LRP1B: variants seen among roughly 807,000 people sequenced by gnomAD.
The protein encoded by LRP1B is LDL receptor related protein 1B, also known as low-density lipoprotein receptor-related protein 1B.
LRP1B carries 217 observed loss-of-function variants against 556.6 expected under a neutral mutation model. That is an observed-to-expected ratio of 0.39 (90% CI 0.35 to 0.44). LRP1B has a LOEUF of 0.44. LRP1B is among the 20% of genes least tolerant of loss of function. The pLI is 1.00. For missense variants in LRP1B, 5,053 were observed against 5,620.8 expected, an observed-to-expected ratio of 0.90 and a Z score of 3.23; for synonymous variants, 2,047 against 1,865.8, an observed-to-expected ratio of 1.10 and a Z score of -2.50.
At chr2:141,036,566 C>T (rs76740289) in intron 11 of LRP1B, among the ~76,000 whole-genome samples, 18,690 of 152,038 alleles carry the variant, frequency 0.12, 1,312 homozygotes, top group East Asian at 0.22. Context: ...GCAGGGAACC[C>T]TTTTTCCTCC....
intron 86 of LRP1B, among the ~76,000 whole-genome samples, chr2:140,260,765 T>G (rs1194637205): frequency 6.6e-6 from 1 of 151,880 alleles, no homozygotes; most frequent in Non-Finnish European, 1.5e-5. Context: ...TAATATCAGA[T>G]TTCAAATCTC....
At chr2:141,243,036 G>T (rs1263846964) in intron 5 of LRP1B, among the ~76,000 whole-genome samples, 1 of 151,866 alleles carries the variant, frequency 6.6e-6, no homozygotes, top group African/African-American at 2.4e-5. Context: ...TTTCATATTT[G>T]ACAAGTCATT....
intron 25 of LRP1B, among the ~76,000 whole-genome samples, chr2:140,870,613 G>A (rs1366888041): frequency 1.3e-5 from 2 of 152,134 alleles, no homozygotes; most frequent in Non-Finnish European, 2.9e-5. Context: ...ATCAAAAAGA[G>A]AAAGTAATGT....
intron 82 of LRP1B, among the ~76,000 whole-genome samples, chr2:140,319,192 GGGATTACACAGAAGA>G (rs1210791389): frequency 6.6e-6 from 1 of 152,056 alleles, no homozygotes; most frequent in African/African-American, 2.4e-5. Context: ...GTGGAAACAT[GGGATTACACAGAAGA>G]GGATTACATA....
intron 66 of LRP1B, among the ~76,000 whole-genome samples, chr2:140,427,779 C>T (rs1009205603): frequency 6.6e-6 from 1 of 150,944 alleles, no homozygotes; most frequent in African/African-American, 2.4e-5. Context: ...TCCTTTTCTA[C>T]AGACCCATCT....
intron 75 of LRP1B, among the ~76,000 whole-genome samples, chr2:140,355,614 T>A (rs1426210667): frequency 6.6e-6 from 1 of 151,954 alleles, no homozygotes; most frequent in Non-Finnish European, 1.5e-5. Context: ...GTAAAAGCAC[T>A]TAAAGACTTG....
chr2:140,287,156 C>A (rs1191307405), intron 84 of LRP1B, among the ~76,000 whole-genome samples: 1 of 151,766 alleles, frequency 6.6e-6, no homozygotes, highest in Non-Finnish European at 1.5e-5. Flanking sequence ...TGAACTCAGA[C>A]TATACATCCA....
At chr2:141,432,784 A>G (rs2104987186) in intron 3 of LRP1B, among the ~76,000 whole-genome samples, 1 of 151,836 alleles carries the variant, frequency 6.6e-6, no homozygotes, top group Admixed American at 6.6e-5. Flanking sequence ...TAGTAATTTG[A>G]GTATTTTGCT....
At chr2:142,127,367 AATCCATCCATCCATCC>A (rs71391674) in intron 1 of LRP1B, among the ~76,000 whole-genome samples, 1 of 150,022 alleles carries the variant, frequency 6.7e-6, no homozygotes, top group Admixed American at 6.7e-5. Flanking sequence ...TGTATGGCAG[AATCCATCCATCCATCC>A]ATCCATCCAT....
At chr2:141,497,958 GA>G (rs1210140938) in intron 2 of LRP1B, among the ~76,000 whole-genome samples, 5 of 136,046 alleles carry the variant, frequency 3.7e-5, no homozygotes, top group African/African-American at 8.5e-5. Context: ...ACAGTCATAC[GA>G]AAAAAATGCA....
Position 140,994,005 on chromosome 2 carries a change from T to A in LRP1B, c.2634A>T (p.Ser878=), listed in dbSNP as rs774760516. 43 of 1,612,296 alleles carry A rather than the reference T, an allele frequency of 2.7e-5. No individual in the cohort carries two copies. The Middle Eastern group carries it at 4.9e-4, about 19-fold the overall frequency. ...DDCLDGSDED[S]VNCFNHSCPD... ...TGGAAGAGAACATACAGCAGTTTACTGAATCCTCATCGCTTCCGTCTAGGC... is the reference window on the plus strand; with the variant it reads ...TGGAAGAGAACATACAGCAGTTTACAGAATCCTCATCGCTTCCGTCTAGGC... Residue 878 remains serine, a synonymous_variant, in exon 16 of 91, where the codon TCA becomes TCT. Coordinates refer to ENST00000389484, the MANE Select transcript of LRP1B (RefSeq NM_018557.3).
intron 78 of LRP1B, 82 bp downstream of exon 78, chr2:140,335,533 T>C: frequency 2.4e-6 from 2 of 847,258 alleles, no homozygotes; most frequent in Non-Finnish European, 4.0e-6. Context: ...GAACACTCAT[T>C]ACAGAGACAA....
chr2:141,211,295 CTTT>C (rs142787085), intron 6 of LRP1B, among the ~76,000 whole-genome samples: 1,746 of 124,452 alleles, frequency 0.014, 17 homozygotes, highest in East Asian at 0.034. Flanking sequence ...GCCCATTTTT[CTTT>C]TTTTTTAAAA....
chr2:140,303,160 TAGAA>T (rs1016698872), intron 83 of LRP1B, among the ~76,000 whole-genome samples: 99 of 151,316 alleles, frequency 6.5e-4, no homozygotes, highest in African/African-American at 2.3e-3. Context: ...TCTTCATAGA[TAGAA>T]ATTCTTTACA....
intron 3 of LRP1B, among the ~76,000 whole-genome samples, chr2:141,469,372 A>G (rs1239834175): frequency 1.3e-5 from 2 of 152,156 alleles, no homozygotes; most frequent in Non-Finnish European, 2.9e-5. Context: ...ATTTTAGTTC[A>G]TTTGTGCTGT....
intron 13 of LRP1B, among the ~76,000 whole-genome samples, chr2:141,015,391 C>T (rs1553446643): frequency 1.3e-5 from 2 of 151,974 alleles, no homozygotes; most frequent in Non-Finnish European, 2.9e-5. Context: ...AGTGGGGTTG[C>T]TTGGTTATAG....
At chr2:141,728,642 C>T in intron 2 of LRP1B, among the ~76,000 whole-genome samples, 1 of 152,068 alleles carries the variant, frequency 6.6e-6, no homozygotes, top group East Asian at 1.9e-4. Context: ...TATTCGGAAG[C>T]TCATTTGACT....
chr2:142,016,677 G>C (rs1041355396), intron 1 of LRP1B, among the ~76,000 whole-genome samples: 7 of 151,908 alleles, frequency 4.6e-5, no homozygotes, highest in Non-Finnish European at 1.0e-4. Context: ...GGGGCCTGTT[G>C]GGGGGTAGGG....
chr2:140,317,317 G>A (rs1684567845), intron 82 of LRP1B, among the ~76,000 whole-genome samples: 1 of 152,048 alleles, frequency 6.6e-6, no homozygotes, highest in Non-Finnish European at 1.5e-5. Flanking sequence ...TCCAGGATAG[G>A]TAAGATGATG....
Sources: allele counts gnomAD v4.1 joint callset (sites outside exome capture counted in the v4.1 genomes callset), GRCh38; gene constraint gnomAD v4.1.1; transcripts MANE v1.5; gene names NCBI Gene and HGNC (gene_info 2026-07-23, HGNC 2026-07-21).